CACNA1C: variants seen among roughly 807,000 people sequenced by gnomAD.
CACNA1C encodes the protein calcium voltage-gated channel subunit alpha1 C, also known as voltage-dependent L-type calcium channel subunit alpha-1C.
In CACNA1C, 30 loss-of-function variants were observed where a neutral mutation model predicts 229.0. The ratio of observed to expected loss-of-function variants is 0.13; its 90% CI spans 0.10 to 0.18. The LOEUF is 0.18. CACNA1C is among the 10% of genes least tolerant of loss of function. CACNA1C has a pLI of 1.00. For synonymous variants in CACNA1C, 1,114 were observed against 1,132.5 expected, an observed-to-expected ratio of 0.98 and a Z score of 0.33; for missense variants, 1,658 against 2,845.0, an observed-to-expected ratio of 0.58 and a Z score of 9.49.
intron 29 of CACNA1C, among the ~76,000 whole-genome samples, chr12:2,627,034 G>A (rs2087098805): frequency 6.6e-6 from 1 of 152,184 alleles, no homozygotes; most frequent in African/African-American, 2.4e-5. Flanking sequence ...TGTTCCTCCT[G>A]CAACTAGGAG....
intron 1 of CACNA1C, among the ~76,000 whole-genome samples, chr12:1,977,970 T>G (rs1195749527): frequency 6.6e-6 from 1 of 152,232 alleles, no homozygotes; most frequent in Non-Finnish European, 1.5e-5. Context: ...TTTATATGTT[T>G]CATTCTAGAG....
chr12:2,241,699 C>T (rs528678675), intron 3 of CACNA1C, among the ~76,000 whole-genome samples: 38 of 152,260 alleles, frequency 2.5e-4, no homozygotes, highest in Non-Finnish European at 4.7e-4. Context: ...TATTGTCCTC[C>T]GTGGCTCAGA....
intron 1 of CACNA1C, among the ~76,000 whole-genome samples, chr12:2,026,869 G>A (rs2047411841): frequency 6.6e-6 from 1 of 152,092 alleles, no homozygotes; most frequent in East Asian, 1.9e-4. Context: ...AAATTTTGAG[G>A]AGTACACAGT....
intron 3 of CACNA1C, among the ~76,000 whole-genome samples, chr12:2,429,775 A>G (rs2239075): frequency 0.78 from 117,902 of 152,052 alleles, 45,812 homozygotes; most frequent in Admixed American, 0.82. Context: ...GTGATATTCT[A>G]TGGGCCAAAA....
At chr12:2,433,280 G>A (rs1445094306) in intron 3 of CACNA1C, among the ~76,000 whole-genome samples, 1 of 152,168 alleles carries the variant, frequency 6.6e-6, no homozygotes, top group Non-Finnish European at 1.5e-5. Flanking sequence ...GATGTGCTTG[G>A]GGCCACAGGT....
At chr12:2,482,749 G>GT (rs1364447452) in intron 5 of CACNA1C, among the ~76,000 whole-genome samples, 1 of 152,124 alleles carries the variant, frequency 6.6e-6, no homozygotes, top group African/African-American at 2.4e-5. Context: ...AGATAAGCCT[G>GT]TTTCTCGGAC....
At chr12:2,576,813 A>G (rs762267950) in intron 13 of CACNA1C, among the ~76,000 whole-genome samples, 1 of 152,118 alleles carries the variant, frequency 6.6e-6, no homozygotes, top group African/African-American at 2.4e-5. Context: ...TCCCATCCAT[A>G]TCAGTGATAG....
At chr12:2,484,076 A>C (rs1385293205) in intron 5 of CACNA1C, among the ~76,000 whole-genome samples, 1 of 152,262 alleles carries the variant, frequency 6.6e-6, no homozygotes, top group Non-Finnish European at 1.5e-5. Flanking sequence ...CACAAAACTC[A>C]GCCTAATGTG....
chr12:2,538,948 C>T (rs1481670147), intron 9 of CACNA1C, among the ~76,000 whole-genome samples: 1 of 152,220 alleles, frequency 6.6e-6, no homozygotes, highest in East Asian at 1.9e-4. Flanking sequence ...GGCCCCTGCA[C>T]CACCAGCTCT....
At chr12:2,089,209 G>A (rs1017602502) in intron 1 of CACNA1C, among the ~76,000 whole-genome samples, 1 of 152,214 alleles carries the variant, frequency 6.6e-6, no homozygotes, top group African/African-American at 2.4e-5. Context: ...GTCACTTACA[G>A]CCTGGGCTTC....
chr12:2,090,460 G>A (rs1446587684), intron 1 of CACNA1C, among the ~76,000 whole-genome samples: 1 of 151,740 alleles, frequency 6.6e-6, no homozygotes, highest in Non-Finnish European at 1.5e-5. Flanking sequence ...TGGGATTACA[G>A]GTGTGCACTA....
chr12:1,987,552 A>G (rs943845486), intron 1 of CACNA1C, among the ~76,000 whole-genome samples: 1 of 152,172 alleles, frequency 6.6e-6, no homozygotes, highest in African/African-American at 2.4e-5. Flanking sequence ...AAGCAATTTA[A>G]ATTACATCTA....
chr12:2,488,724 G>C lies in CACNA1C; in HGVS notation c.916+2462G>C, dbSNP rs899520110. 2.0e-5 allele frequency among the ~76,000 whole-genome samples: 3 copies of C among 152,192 alleles called. No individual in the cohort carries two copies. Among genetic ancestry groups the C allele is most frequent in the Non-Finnish European group, 4.4e-5 (3 of 68,030 alleles). On this transcript the variant is annotated intron_variant, in intron 6 of 46. Coordinates refer to ENST00000399655, the MANE Select transcript of CACNA1C (RefSeq NM_000719.7). The surrounding 1 kb of genome is among the most constrained non-coding windows in gnomAD (Gnocchi z 4.0). ...GCTCCAGAGAGAAGGGCCCTGCCAG[G>C]CTCCATGAGAAGGTGGCCTCACTCA...
chr12:2,555,181 G>T (rs1415928497), intron 10 of CACNA1C, among the ~76,000 whole-genome samples: 2 of 152,212 alleles, frequency 1.3e-5, no homozygotes, highest in Non-Finnish European at 2.9e-5. Context: ...CTGCTTCCCA[G>T]GGTCATTTCC....
chr12:2,280,322 G>A (rs12822361), intron 3 of CACNA1C, among the ~76,000 whole-genome samples: 21 of 66,646 alleles, frequency 3.2e-4, no homozygotes, highest in African/African-American at 1.7e-3. Flanking sequence ...GCTTCGGTTT[G>A]ACCTCTTGAT....
Position 2,053,746 on chromosome 12 carries a change from G to T in CACNA1C, c.49+135G>T. 1 of 927,286 alleles carries T rather than the reference G, an allele frequency of 1.1e-6. No homozygotes were observed. Among genetic ancestry groups the T allele is most frequent in the Non-Finnish European group, 1.4e-6 (1 of 722,794 alleles). 57.4% of individuals were successfully genotyped at this position (927,286 alleles called of 1,614,324 possible). A position where few individuals can be genotyped will look rare whatever the true frequency, so the allele number is the denominator to read the frequency against. On this transcript the variant is annotated intron_variant, in intron 1 of 46. Transcript: ENST00000399655. The surrounding 1 kb of genome is among the most constrained non-coding windows in gnomAD (Gnocchi z 5.8). ...GGCCGCGTCCGCGAGGGGCGCCTCC[G>T]CCTCGTCGGAGCGCCCGGGAGCCCG...
Position 2,585,542 on chromosome 12 carries a change from AGGGAGGGCC to A in CACNA1C, c.2460+47_2460+55del. On this transcript the variant is annotated intron_variant, in intron 17 of 46. Coordinates refer to ENST00000399655, the MANE Select transcript of CACNA1C (RefSeq NM_000719.7). This position sits in a 1 kb window ranked among gnomAD's most constrained non-coding sequence, Gnocchi z 4.1. Reference sequence around the variant, plus strand: ...TGGAGCTGTGAGGCCGGTGCTGGGGAGGGAGGGCCACAGCCTTCCCAGGCCAGAACCCTG... The same window carrying A: ...TGGAGCTGTGAGGCCGGTGCTGGGGAACAGCCTTCCCAGGCCAGAACCCTG... 6.6e-7 allele frequency: 1 copy of A among 1,507,298 alleles called. No individual in the cohort carries two copies. The highest frequency in any genetic ancestry group is 8.9e-7 in the Non-Finnish European group (1 of 1,124,362). 93.4% of individuals were successfully genotyped at this position (1,507,298 alleles called of 1,614,324 possible). A position where few individuals can be genotyped will look rare whatever the true frequency, so the allele number is the denominator to read the frequency against.
At chr12:2,378,779 GTCCTTCCTTCCTTCCTTCCTTCCT>G (rs146245294) in intron 3 of CACNA1C, among the ~76,000 whole-genome samples, 35 of 144,136 alleles carry the variant, frequency 2.4e-4, no homozygotes, top group Non-Finnish European at 4.0e-4. Flanking sequence ...GTTTATTTGG[GTCCTTCCTTCCTTCCTTCCTTCCT>G]TCCTTCCTTC....
intron 10 of CACNA1C, among the ~76,000 whole-genome samples, chr12:2,555,121 C>T (rs550238559): frequency 1.0e-3 from 153 of 152,360 alleles, no homozygotes; most frequent in African/African-American, 3.5e-3. Flanking sequence ...CTGTAGTCCA[C>T]GACTGTGCTT....
Sources: allele counts gnomAD v4.1 joint callset (sites outside exome capture counted in the v4.1 genomes callset), GRCh38; gene constraint gnomAD v4.1.1; non-coding constraint Gnocchi (gnomAD v3.1); transcripts MANE v1.5; gene names NCBI Gene and HGNC (gene_info 2026-07-23, HGNC 2026-07-21).